The following NFATC1 variants were observed in gnomAD, a reference collection of about 807,000 sequenced individuals.
NFATC1 encodes nuclear factor of activated T-cells, cytoplasmic 1.
In NFATC1, 22 loss-of-function variants were observed where a neutral mutation model predicts 76.0. The observed-to-expected ratio is 0.29, with a 90% confidence interval of 0.21 to 0.41. The LOEUF is 0.41. Among genes scored for constraint, NFATC1 ranks in the 10% least tolerant of loss-of-function variants. NFATC1 has a pLI of 1.00. For synonymous variants in NFATC1, 704 were observed against 613.1 expected, an observed-to-expected ratio of 1.15 and a Z score of -2.19; for missense variants, 1,357 against 1,337.7, an observed-to-expected ratio of 1.01 and a Z score of -0.23.
At chr18:79,409,590 T>C (rs897193732) in intron 1 of NFATC1, among the ~76,000 whole-genome samples, 7 of 152,272 alleles carry the variant, frequency 4.6e-5, no homozygotes, top group African/African-American at 1.7e-4. Context: ...CTCCCTTGTT[T>C]GTCCATCACC....
chr18:79,419,615 GC>G (rs1187284906), intron 2 of NFATC1, among the ~76,000 whole-genome samples: 1 of 152,220 alleles, frequency 6.6e-6, no homozygotes, highest in African/African-American at 2.4e-5. Flanking sequence ...CAGCGTGAGG[GC>G]GGCAGGGAGC....
In NFATC1 at chr18:79,403,754, T is replaced by C. The variant is rs75609332; in HGVS notation, c.128-6649T>C. 4.6e-5 allele frequency among the ~76,000 whole-genome samples: 7 copies of C among 152,368 alleles called. No homozygotes were observed. The East Asian group carries it at 1.2e-3, about 25-fold the overall frequency. ...TGGAAAGGCAACATCTTATGCAGAA[T>C]TGAAGCTTTGGAAGACTTTTATTCT... is the stretch of plus-strand genomic sequence containing the variant. On this transcript the variant is annotated intron_variant, in intron 1 of 9. Coordinates refer to ENST00000427363, the MANE Select transcript of NFATC1 (RefSeq NM_001278669.2).
intron 8 of NFATC1, chr18:79,470,784 G>A (rs1351228342): frequency 1.3e-5 from 2 of 152,332 alleles, no homozygotes; most frequent in African/African-American, 4.8e-5. Context: ...GAGTCAGAAG[G>A]TCGCAGTGGT....
At position 79,524,462 on chromosome 18, in the gene NFATC1, C is replaced by T. The variant is rs371026456; in HGVS notation, c.2783-3066C>T. Among the ~76,000 whole-genome samples the T allele has an allele frequency of 3.9e-5, 6 of 152,304 alleles. No homozygotes were observed. The highest frequency in any genetic ancestry group is 1.9e-4 in the East Asian group (1 of 5,174). On this transcript the variant is annotated intron_variant, in intron 9 of 9. Coordinates refer to ENST00000427363, the MANE Select transcript of NFATC1 (RefSeq NM_001278669.2). This position sits in a 1 kb window ranked among gnomAD's most constrained non-coding sequence, Gnocchi z 7.2. ...TCTGTCAGCTGCTGCCATGGGGCAG[C>T]GGGAAGGCCCTGGAGGGTGCCTGGG...
At chr18:79,426,507 G>T (rs2086340190) in intron 2 of NFATC1, among the ~76,000 whole-genome samples, 1 of 152,238 alleles carries the variant, frequency 6.6e-6, no homozygotes, top group South Asian at 2.1e-4. Context: ...CCCGTGTCGG[G>T]ACTCGCAGGG....
At chr18:79,522,583 G>T (rs1282907782) in intron 9 of NFATC1, among the ~76,000 whole-genome samples, 1 of 151,974 alleles carries the variant, frequency 6.6e-6, no homozygotes, top group East Asian at 1.9e-4. Context: ...TGTGTTAAAA[G>T]GCGCACACCG....
chr18:79,475,038 C>T (rs1226866887), intron 8 of NFATC1, among the ~76,000 whole-genome samples: 7 of 130,364 alleles, frequency 5.4e-5, no homozygotes, highest in African/African-American at 6.4e-5. Flanking sequence ...CGTGTTCTCA[C>T]GCTCACTGTC....
At chr18:79,459,193 G>A (rs903432232) in intron 6 of NFATC1, among the ~76,000 whole-genome samples, 5 of 152,262 alleles carry the variant, frequency 3.3e-5, no homozygotes, top group African/African-American at 1.2e-4. Context: ...CCAGGTGTGC[G>A]GTGGAGGCTG....
intron 6 of NFATC1, among the ~76,000 whole-genome samples, chr18:79,458,328 CTTT>C (rs1396976865): frequency 0.16 from 23,356 of 149,496 alleles, 2,722 homozygotes; most frequent in African/African-American, 0.35. Context: ...CACGAGGATG[CTTT>C]GGGGAGCAGG....
chr18:79,467,374 C>A (rs1214384696), intron 7 of NFATC1, 76 bp from the exon 8 acceptor site: 1 of 1,395,086 alleles, frequency 7.2e-7, no homozygotes, highest in Non-Finnish European at 9.5e-7. Context: ...CGCGGGGTTG[C>A]CGTGTGGCCG....
At position 79,411,451 on chromosome 18, in the gene NFATC1, C is replaced by T. The variant is rs1412301332; in HGVS notation, c.1176C>T (p.His392=). 11 of 1,516,670 alleles carry T rather than the reference C, an allele frequency of 7.3e-6. No homozygotes were observed. The highest frequency in any genetic ancestry group is 1.3e-5 in the South Asian group (1 of 75,074). The allele number at this position is 1,516,670 out of a possible 1,614,324, so 94.0% of individuals were successfully genotyped here. ...FCDQYLAVPQ[H]PYQWAKPKPL... ...ACCAGTACCTGGCGGTGCCGCAGCA[C>T]CCCTACCAGTGGGCGAAGCCCAAGC... is the stretch of plus-strand genomic sequence containing the variant. The change falls in exon 2 of 10, where the codon CAC becomes CAT. Residue 392 remains histidine (H), a synonymous_variant. Transcript: ENST00000427363.
chr18:79,427,399 GAGCT>G, intron 2 of NFATC1, among the ~76,000 whole-genome samples: 1 of 125,524 alleles, frequency 8.0e-6, no homozygotes, highest in Admixed American at 7.5e-5. Context: ...GGGTTGGGGG[GAGCT>G]GGATGGCTGG....
At chr18:79,475,822 G>A (rs774468716) in intron 8 of NFATC1, among the ~76,000 whole-genome samples, 5 of 152,240 alleles carry the variant, frequency 3.3e-5, no homozygotes, top group South Asian at 2.1e-4. Flanking sequence ...CTAGCCACCC[G>A]ACGCTCAGGC....
intron 1 of NFATC1, among the ~76,000 whole-genome samples, chr18:79,407,634 A>G (rs1274615814): frequency 6.6e-6 from 1 of 152,086 alleles, no homozygotes; most frequent in East Asian, 1.9e-4. Flanking sequence ...TTGTAGAGAT[A>G]GGGTTTCATC....
chr18:79,505,709 C>G (rs2090105255), intron 9 of NFATC1, among the ~76,000 whole-genome samples: 1 of 140,458 alleles, frequency 7.1e-6, no homozygotes, highest in African/African-American at 2.9e-5. Context: ...TGCTGGAGGC[C>G]CTTGGGTGAG....
intron 1 of NFATC1, among the ~76,000 whole-genome samples, chr18:79,399,900 C>T (rs866064046): frequency 1.3e-5 from 2 of 152,278 alleles, no homozygotes; most frequent in African/African-American, 4.8e-5. Flanking sequence ...CTCCGCAGGG[C>T]GCGCACGTGG....
chr18:79,470,828 G>C (rs369029535), intron 8 of NFATC1: 2 of 152,292 alleles, frequency 1.3e-5, no homozygotes, highest in African/African-American at 4.8e-5. Context: ...GAGTGCAGGG[G>C]GCCCCCGGGC....
chr18:79,427,331 C>T (rs1473526993), intron 2 of NFATC1, among the ~76,000 whole-genome samples: 1 of 151,486 alleles, frequency 6.6e-6, no homozygotes, highest in Non-Finnish European at 1.5e-5. Context: ...CAGTGAACTT[C>T]CCTGGACAGC....
In NFATC1 at chr18:79,446,600, G is replaced by A. The variant is rs117281037; in HGVS notation, c.1387-2182G>A. On this transcript the variant is annotated intron_variant, in intron 3 of 9. Transcript: ENST00000427363. ...CGGGAAGTTCATTAACTTGGCAAAC[G>A]GCTGGAGTCTCTCTTCCGAGGAGCT... 6.2e-3 allele frequency among the ~76,000 whole-genome samples: 943 copies of A among 152,266 alleles called. 6 individuals carry two copies. The highest frequency in any genetic ancestry group is 0.01 in the Non-Finnish European group (686 of 68,026).
Sources: allele counts gnomAD v4.1 joint callset (sites outside exome capture counted in the v4.1 genomes callset), GRCh38; gene constraint gnomAD v4.1.1; non-coding constraint Gnocchi (gnomAD v3.1); transcripts MANE v1.5; gene names NCBI Gene and HGNC (gene_info 2026-07-23, HGNC 2026-07-21).